SERPINH1: variants seen among roughly 807,000 people sequenced by gnomAD.
SERPINH1 encodes the protein serpin H1.
A neutral mutation model predicts 32.3 loss-of-function variants in SERPINH1; 22 were observed. The observed-to-expected ratio is 0.68, with a 90% CI of 0.49 to 0.97. SERPINH1 has a LOEUF of 0.97. Ranked by LOEUF, SERPINH1 falls within the 50% of genes least tolerant of loss-of-function variation. SERPINH1 has a pLI of 0.00. For synonymous variants in SERPINH1, 251 were observed against 245.9 expected, an observed-to-expected ratio of 1.02 and a Z score of -0.19; for missense variants, 543 against 576.4, an observed-to-expected ratio of 0.94 and a Z score of 0.59.
At chr11:75,562,623 G>A (rs933778518) in intron 1 of SERPINH1, 1 of 152,336 alleles carries the variant, frequency 6.6e-6, no homozygotes, top group African/African-American at 2.4e-5. Context: ...TGGCAGATAC[G>A]AGACTAGGTG....
At chr11:75,564,229 C>T (rs921737390) in intron 1 of SERPINH1, among the ~76,000 whole-genome samples, 1 of 152,232 alleles carries the variant, frequency 6.6e-6, no homozygotes, top group African/African-American at 2.4e-5. Flanking sequence ...CCTGCCACGT[C>T]ACCACCAGGA....
chr11:75,562,393 AAG>A (rs1941993861), intron 1 of SERPINH1, 74 bp downstream of exon 1: 1 of 152,094 alleles, frequency 6.6e-6, no homozygotes, highest in African/African-American at 2.4e-5. Context: ...GCGAGGGAGT[AAG>A]AGGGGCGAGG....
rs536547552 is a variant in SERPINH1 at position 75,565,826 on chromosome 11, C to T, written c.-34-490C>T. Among the ~76,000 whole-genome samples the T allele has an allele frequency of 1.0e-3, 155 of 152,342 alleles. 1 individual carries two copies. The highest frequency in any genetic ancestry group is 3.5e-3 in the African/African-American group (146 of 41,584). On this transcript the variant is annotated intron_variant, in intron 1 of 4. Coordinates refer to ENST00000358171, the MANE Select transcript of SERPINH1 (RefSeq NM_001235.5). Reference sequence around the variant, plus strand: ...ATTCTCAGCTCAGCTGCTGCTTTTTCTCACTGGAAAAGGGCTCCCAGGGCT... The same window carrying T: ...ATTCTCAGCTCAGCTGCTGCTTTTTTTCACTGGAAAAGGGCTCCCAGGGCT...
In SERPINH1 at chr11:75,571,780, G is replaced by A; in HGVS notation, c.955-1G>A. The A allele has an allele frequency of 1.2e-6, 2 of 1,613,472 alleles. No homozygotes were observed. The highest frequency in any genetic ancestry group is 1.7e-6 in the Non-Finnish European group (2 of 1,179,988). On this transcript the variant is annotated splice_acceptor_variant, in intron 4 of 4. Transcript: ENST00000358171. LOFTEE classifies it high-confidence loss of function. The stretch of plus-strand genomic sequence containing the variant: ...CCTGGCACACCTCCTTGTTCCCACA[G>A]AAACACCTGGCTGGGCTGGGCCTGA...
chr11:75,566,446 G>T lies in SERPINH1; in HGVS notation c.97G>T (p.Ala33Ser), dbSNP rs150061926. The T allele has an allele frequency of 1.6e-5, 25 of 1,612,142 alleles. No individual in the cohort carries two copies. The East Asian group carries it at 5.6e-4, about 36-fold the overall frequency. ...KPAAAAAPGT[A>S]EKLSPKAATL... ...TGCAGCCGCAGCAGCTCCTGGCACT[G>T]CGGAGAAGTTGAGCCCCAAGGCGGC... Residue 33 changes from alanine (A) to serine (S), a missense_variant, in exon 2 of 5, where the codon GCG (alanine) becomes TCG (serine). Physicochemically the swap from Ala to Ser is moderately conservative, Grantham distance 99 (BLOSUM62 1). Transcript: ENST00000358171.
At chr11:75,569,440 T>G (rs969056296) in intron 4 of SERPINH1, 2 of 330,282 alleles carry the variant, frequency 6.1e-6, no homozygotes, top group Non-Finnish European at 1.1e-5. Context: ...ATTTTTTTTT[T>G]GAGATGGAGT....
chr11:75,571,536 A>T (rs1942194411), intron 4 of SERPINH1, among the ~76,000 whole-genome samples: 1 of 152,182 alleles, frequency 6.6e-6, no homozygotes, highest in East Asian at 1.9e-4. Flanking sequence ...ATACGTTCTC[A>T]CTTGTTTTTC....
Position 75,566,589 on chromosome 11 carries a change from C to T in SERPINH1, c.240C>T (p.Leu80=), listed in dbSNP as rs367576479. 63 of 1,608,454 alleles carry T rather than the reference C, an allele frequency of 3.9e-5. 1 individual carries two copies. The highest frequency in any genetic ancestry group is 4.8e-5 in the Non-Finnish European group (57 of 1,179,338). Residue 80 remains leucine, a synonymous_variant, in exon 2 of 5, where the codon CTC becomes CTT. Coordinates refer to ENST00000358171, the MANE Select transcript of SERPINH1 (RefSeq NM_001235.5). ...SPVVVASSLG[L]VSLGGKATTA... is the part of the protein sequence containing the mutation. ...TGGTGGTGGCCTCGTCGCTAGGGCT[C>T]GTGTCGCTGGGCGGCAAGGCGACCA...
At chr11:75,570,620 A>C (rs1290859950) in intron 4 of SERPINH1, among the ~76,000 whole-genome samples, 1 of 152,230 alleles carries the variant, frequency 6.6e-6, no homozygotes, top group Non-Finnish European at 1.5e-5. Flanking sequence ...CCTGACTCTC[A>C]GGACCTCAGG....
intron 4 of SERPINH1, among the ~76,000 whole-genome samples, chr11:75,570,586 C>G (rs996010868): frequency 6.6e-6 from 1 of 152,170 alleles, no homozygotes; most frequent in Admixed American, 6.5e-5. Flanking sequence ...GCTGGGCCTA[C>G]CTCGAATGCC....
Position 75,568,440 on chromosome 11 carries a change from C to A in SERPINH1, c.623-291C>A, listed in dbSNP as rs984841999. On this transcript the variant is annotated intron_variant, in intron 2 of 4. Coordinates refer to ENST00000358171, the MANE Select transcript of SERPINH1 (RefSeq NM_001235.5). ...TGACAAGTGCTAGAGCCGGGGGTGG[C>A]CATAGAGGTGGCTGACCTGAGGGCG... The A allele has an allele frequency of 1.7e-4, 83 of 484,612 alleles. 1 individual carries two copies. The Middle Eastern group carries it at 2.9e-3, about 17-fold the overall frequency. The allele number at this position is 484,612 out of a possible 1,614,324, so 30.0% of individuals were successfully genotyped here.
rs1478793488 is a variant in SERPINH1 at position 75,571,771 on chromosome 11, G to T, written c.955-10G>T. ...ATGGCCTCACCTGGCACACCTCCTT[G>T]TTCCCACAGAAACACCTGGCTGGGC... On this transcript the variant is annotated splice_polypyrimidine_tract_variant and intron_variant, in intron 4 of 4. Transcript: ENST00000358171. The T allele has an allele frequency of 1.2e-6, 2 of 1,612,930 alleles. No individual in the cohort carries two copies. Among genetic ancestry groups the T allele is most frequent in the African/African-American group, 1.3e-5 (1 of 74,910 alleles).
chr11:75,571,792 T>C lies in SERPINH1; in HGVS notation c.966T>C (p.Ala322=), dbSNP rs1440207181. The change falls in exon 5 of 5, where the codon GCT becomes GCC. Residue 322 remains alanine (A), a synonymous_variant. Coordinates refer to ENST00000358171, the MANE Select transcript of SERPINH1 (RefSeq NM_001235.5). ...CCTTGTTCCCACAGAAACACCTGGC[T>C]GGGCTGGGCCTGACTGAGGCCATTG... ...EVTHDLQKHL[A]GLGLTEAIDK... The C allele has an allele frequency of 6.2e-7, 1 of 1,613,852 alleles. No individual in the cohort carries two copies. The highest frequency in any genetic ancestry group is 8.5e-7 in the Non-Finnish European group (1 of 1,180,002).
chr11:75,566,986 C>T lies in SERPINH1; in HGVS notation c.622+15C>T, dbSNP rs937544726. The T allele has an allele frequency of 6.3e-7, 1 of 1,576,150 alleles. No homozygotes were observed. Among genetic ancestry groups the T allele is most frequent in the Non-Finnish European group, 8.6e-7 (1 of 1,165,032 alleles). On this transcript the variant is annotated intron_variant, in intron 2 of 4. Coordinates refer to ENST00000358171, the MANE Select transcript of SERPINH1 (RefSeq NM_001235.5). ...GTTCTTCAAGCGTGAGTCGGGGGCG[C>T]GTTCAGGGGTCCTCCTCCTCCTCCC...
intron 2 of SERPINH1, chr11:75,568,368 A>C: frequency 2.7e-6 from 1 of 370,180 alleles, no homozygotes. Flanking sequence ...TCCCCCAGGT[A>C]CCAGGGAGGG....
rs536622712 is a variant in SERPINH1 at position 75,569,275 on chromosome 11, A to T, written c.954+104A>T. The T allele has an allele frequency of 7.4e-6, 6 of 810,422 alleles. No individual in the cohort carries two copies. In the Admixed American group the frequency reaches 1.1e-4, roughly 15 times the overall value. 50.2% of individuals were successfully genotyped at this position (810,422 alleles called of 1,614,324 possible). On this transcript the variant is annotated intron_variant, in intron 4 of 4. Transcript: ENST00000358171. ...GCAGGTCTGTCCCAAGACCCCCTGG[A>T]TGTCCAGGCAGTGCTGGGCTCTGTG... is the stretch of plus-strand genomic sequence containing the variant.
At chr11:75,567,023 C>T (rs1942103378) in intron 2 of SERPINH1, 52 bp downstream of exon 2, 1 of 1,566,798 alleles carries the variant, frequency 6.4e-7, no homozygotes, top group South Asian at 1.1e-5. Flanking sequence ...GGACCCCCTG[C>T]AAGAGTTAGG....
rs1942222244 is a variant in SERPINH1 at position 75,572,749 on chromosome 11, A to G, written c.*666A>G. On this transcript the variant is annotated 3_prime_UTR_variant, in exon 5 of 5. Transcript: ENST00000358171. ...GCTATCAATCCAAGAACTTATTTGT[A>G]CATTTTTTTTTTCAATAAAACTTTT... The G allele has an allele frequency of 7.4e-6, 1 of 135,390 alleles. No individual in the cohort carries two copies. Among genetic ancestry groups the G allele is most frequent in the African/African-American group, 2.8e-5 (1 of 36,098 alleles). The allele number at this position is 135,390 out of a possible 1,614,324, so 8.4% of individuals were successfully genotyped here. A position where few individuals can be genotyped will look rare whatever the true frequency, so the allele number is the denominator to read the frequency against.
intron 1 of SERPINH1, chr11:75,563,383 A>G (rs976967428): frequency 1.3e-5 from 2 of 152,250 alleles, no homozygotes; most frequent in African/African-American, 4.8e-5. Context: ...TCATGTACCC[A>G]TCCCCCCTTC....
Sources: allele counts gnomAD v4.1 joint callset (sites outside exome capture counted in the v4.1 genomes callset), GRCh38; gene constraint gnomAD v4.1.1; transcripts MANE v1.5; gene names NCBI Gene and HGNC (gene_info 2026-07-23, HGNC 2026-07-21).